POFUT3: variants seen among roughly 807,000 people sequenced by gnomAD.
POFUT3 encodes GDP-fucose protein O-fucosyltransferase 3.
At chr8:33,309,219 CT>C in the POFUT3 span, among the ~76,000 whole-genome samples, 1 of 114,332 alleles carries the variant, frequency 8.7e-6, no homozygotes, top group Admixed American at 1.0e-4. Context: ...TATTTTTTTC[CT>C]TTCCCCCTTC....
At chr8:33,449,687 C>T in the POFUT3 span, among the ~76,000 whole-genome samples, 10 of 152,068 alleles carry the variant, frequency 6.6e-5, no homozygotes, top group Non-Finnish European at 1.3e-4. Flanking sequence ...ATTGAAGGTT[C>T]TCCAAGCTCT....
At chr8:33,309,167 AATATATATATATATATAT>A in the POFUT3 span, among the ~76,000 whole-genome samples, 39 of 53,692 alleles carry the variant, frequency 7.3e-4, 2 homozygotes, top group African/African-American at 3.5e-3. Flanking sequence ...AAAAAAAAAA[AATATATATATATATATAT>A]ATATATATAT....
chr8:33,446,376 G>C, the POFUT3 span, among the ~76,000 whole-genome samples: 1 of 149,524 alleles, frequency 6.7e-6, no homozygotes, highest in Non-Finnish European at 1.5e-5. Flanking sequence ...AGAATCTCTC[G>C]AACACAGGAG....
the POFUT3 span, among the ~76,000 whole-genome samples, chr8:33,375,751 T>A: frequency 6.6e-6 from 1 of 152,082 alleles, no homozygotes; most frequent in Non-Finnish European, 1.5e-5. Flanking sequence ...GTGTGGTGGC[T>A]CATTCCTGTA....
chr8:33,360,474 A>ATAAG, the POFUT3 span, among the ~76,000 whole-genome samples: 1 of 151,810 alleles, frequency 6.6e-6, no homozygotes, highest in East Asian at 1.9e-4. Context: ...TAAAAATAAA[A>ATAAG]TAAATAAATA....
chr8:33,358,445 A>T, the POFUT3 span, among the ~76,000 whole-genome samples: 3 of 152,212 alleles, frequency 2.0e-5, no homozygotes, highest in Non-Finnish European at 4.4e-5. Flanking sequence ...AAAGAAATAT[A>T]GCAAATCATC....
At chr8:33,370,270 G>A in the POFUT3 span, among the ~76,000 whole-genome samples, 782 of 149,146 alleles carry the variant, frequency 5.2e-3, 4 homozygotes, top group East Asian at 0.017. Flanking sequence ...CAGAAGAATC[G>A]CTTGAACCCA....
At chr8:33,420,676 A>G in the POFUT3 span, among the ~76,000 whole-genome samples, 2 of 152,316 alleles carry the variant, frequency 1.3e-5, no homozygotes, top group East Asian at 3.9e-4. Flanking sequence ...CACTTGCCTC[A>G]AGAAATATAA....
At chr8:33,319,719 A>T in the POFUT3 span, among the ~76,000 whole-genome samples, 438 of 15,160 alleles carry the variant, frequency 0.029, 61 homozygotes, top group African/African-American at 0.12. Flanking sequence ...TATTTATATA[A>T]TATATAAATG....
the POFUT3 span, among the ~76,000 whole-genome samples, chr8:33,358,444 T>C: frequency 3.9e-5 from 6 of 152,082 alleles, no homozygotes; most frequent in Non-Finnish European, 8.8e-5. Context: ...AAAAGAAATA[T>C]AGCAAATCAT....
At chr8:33,372,074 G>A in the POFUT3 span, 17 of 811,636 alleles carry the variant, frequency 2.1e-5, no homozygotes, top group Non-Finnish European at 2.5e-5. Context: ...AGAGTGGATA[G>A]TGGATAAACT....
the POFUT3 span, among the ~76,000 whole-genome samples, chr8:33,447,025 A>G: frequency 6.6e-6 from 1 of 152,150 alleles, no homozygotes; most frequent in South Asian, 2.1e-4. Context: ...AGTTTTTCTT[A>G]ATGTATTTCA....
the POFUT3 span, among the ~76,000 whole-genome samples, chr8:33,317,958 T>C: frequency 6.6e-6 from 1 of 152,122 alleles, no homozygotes; most frequent in Non-Finnish European, 1.5e-5. Context: ...GGTTTCCCAG[T>C]AAATTATCCC....
chr8:33,406,364 T>C, the POFUT3 span, among the ~76,000 whole-genome samples: 1 of 152,216 alleles, frequency 6.6e-6, no homozygotes, highest in Non-Finnish European at 1.5e-5. Flanking sequence ...AGGATAGCCC[T>C]TAATCTGACT....
chr8:33,432,658 A>C, the POFUT3 span, among the ~76,000 whole-genome samples: 2 of 152,170 alleles, frequency 1.3e-5, no homozygotes, highest in Non-Finnish European at 2.9e-5. Flanking sequence ...TCCACATCAG[A>C]GTACCTGCTA....
At chr8:33,350,201 A>G in the POFUT3 span, among the ~76,000 whole-genome samples, 1 of 152,066 alleles carries the variant, frequency 6.6e-6, no homozygotes, top group African/African-American at 2.4e-5. Flanking sequence ...ATTTTCTACT[A>G]TTCTCTGGGT....
At chr8:33,320,467 A>G in the POFUT3 span, among the ~76,000 whole-genome samples, 2 of 152,088 alleles carry the variant, frequency 1.3e-5, no homozygotes, top group South Asian at 4.1e-4. Flanking sequence ...TCCAAATCAA[A>G]CACTATTTGC....
the POFUT3 span, among the ~76,000 whole-genome samples, chr8:33,425,312 C>A: frequency 6.6e-6 from 1 of 151,848 alleles, no homozygotes; most frequent in African/African-American, 2.4e-5. Flanking sequence ...CCAGCCTGGG[C>A]AAGAGAACAA....
the POFUT3 span, among the ~76,000 whole-genome samples, chr8:33,409,323 G>A: frequency 1.3e-4 from 19 of 151,902 alleles, no homozygotes; most frequent in Non-Finnish European, 2.1e-4. Context: ...GGCTTGTCTC[G>A]AACCCCTGAC....
Sources: allele counts gnomAD v4.1 joint callset (sites outside exome capture counted in the v4.1 genomes callset), GRCh38; gene constraint gnomAD v4.1.1; transcripts MANE v1.5; gene names NCBI Gene and HGNC (gene_info 2026-07-23, HGNC 2026-07-21).